Variants in BABAM2 observed in about 807,000 individuals in gnomAD.
The protein encoded by BABAM2 is BRISC and BRCA1-A complex member 2.
A neutral mutation model predicts 54.7 loss-of-function variants in BABAM2; 31 were observed. That is an observed-to-expected ratio of 0.57 (90% CI 0.43 to 0.77). The LOEUF is 0.77. BABAM2 is among the 30% of genes least tolerant of loss of function. BABAM2 has a pLI of 0.00. For missense variants in BABAM2, 364 were observed against 455.8 expected (o/e 0.80, Z 1.83); for synonymous variants, 167 against 162.9 (o/e 1.03, Z -0.19).
At chr2:28,128,436 T>C (rs1423701193) in intron 6 of BABAM2, among the ~76,000 whole-genome samples, 2 of 152,234 alleles carry the variant, frequency 1.3e-5, no homozygotes, top group Non-Finnish European at 2.9e-5. Context: ...AGACACTTGG[T>C]GCTTGGCAAT....
chr2:28,078,734 G>T (rs1032870830), intron 6 of BABAM2, among the ~76,000 whole-genome samples: 5 of 152,128 alleles, frequency 3.3e-5, no homozygotes, highest in Non-Finnish European at 7.4e-5. Context: ...GTGTTGATTT[G>T]GAATTGCCTT....
At chr2:28,294,950 A>T (rs935459881) in intron 10 of BABAM2, among the ~76,000 whole-genome samples, 3 of 152,208 alleles carry the variant, frequency 2.0e-5, no homozygotes, top group Non-Finnish European at 4.4e-5. Context: ...ACAAATCTCC[A>T]TGGAGAAATA....
At position 28,328,556 on chromosome 2, in the gene BABAM2, A is replaced by G. The variant is rs192911448; in HGVS notation, c.1089-9894A>G. The stretch of plus-strand genomic sequence containing the variant: ...ATGAGGCTCATCTTACAATTACCCA[A>G]AGAAAAGCATGTTTGAATTCCAGAA... On this transcript the variant is annotated intron_variant, in intron 11 of 11. Coordinates refer to ENST00000379624, the MANE Select transcript of BABAM2 (RefSeq NM_199191.3). Among the ~76,000 whole-genome samples the G allele has an allele frequency of 3.7e-3, 570 of 152,276 alleles. 5 individuals carry two copies. The highest frequency in any genetic ancestry group is 0.013 in the African/African-American group (540 of 41,548).
intron 6 of BABAM2, among the ~76,000 whole-genome samples, chr2:28,104,965 C>T (rs182179333): frequency 0.044 from 6,563 of 150,706 alleles, 448 homozygotes; most frequent in African/African-American, 0.15. Flanking sequence ...TGCATGTTCT[C>T]ACTCATAGGT....
At chr2:27,951,844 C>T (rs1431495326) in intron 3 of BABAM2, among the ~76,000 whole-genome samples, 1 of 152,122 alleles carries the variant, frequency 6.6e-6, no homozygotes, top group African/African-American at 2.4e-5. Context: ...AGTCTTTTAT[C>T]CCTCGCCCTA....
intron 4 of BABAM2, among the ~76,000 whole-genome samples, chr2:27,992,554 A>G (rs1672854611): frequency 2.0e-5 from 3 of 152,238 alleles, no homozygotes; most frequent in African/African-American, 7.2e-5. Context: ...GGGTAGTTAA[A>G]TACTGTTTTT....
chr2:27,987,747 C>T (rs950277998), intron 3 of BABAM2, among the ~76,000 whole-genome samples: 9 of 147,176 alleles, frequency 6.1e-5, no homozygotes, highest in East Asian at 4.0e-4. Context: ...CCTGGGAGGT[C>T]GAGGCTGCAG....
chr2:27,889,774 C>T (rs534415538), upstream of BABAM2, among the ~76,000 whole-genome samples: 3 of 152,238 alleles, frequency 2.0e-5, no homozygotes, highest in East Asian at 3.9e-4. Context: ...TTCTGCTCAA[C>T]TCATTATTTT....
intron 6 of BABAM2, among the ~76,000 whole-genome samples, chr2:28,114,242 G>C (rs1668395223): frequency 6.6e-6 from 1 of 152,196 alleles, no homozygotes; most frequent in African/African-American, 2.4e-5. Context: ...ACCTCTGTTT[G>C]CAGATGACAT....
At chr2:27,985,058 TGTG>T (rs999915073) in intron 3 of BABAM2, among the ~76,000 whole-genome samples, 5 of 2,440 alleles carry the variant, frequency 2.0e-3, no homozygotes, top group Non-Finnish European at 5.4e-3. Flanking sequence ...TATTCCATGA[TGTG>T]TGTGTGTGTG....
chr2:27,946,327 G>A (rs758793848), intron 3 of BABAM2, among the ~76,000 whole-genome samples: 8 of 152,112 alleles, frequency 5.3e-5, no homozygotes, highest in Non-Finnish European at 8.8e-5. Context: ...TTGAACCACT[G>A]TTGCATTCTG....
At chr2:28,320,988 T>G (rs1266853404) in intron 11 of BABAM2, among the ~76,000 whole-genome samples, 2 of 152,268 alleles carry the variant, frequency 1.3e-5, no homozygotes, top group Non-Finnish European at 2.9e-5. Context: ...GTTAATTCAC[T>G]TATTCAACAA....
At chr2:27,977,900 T>G (rs1409490091) in intron 3 of BABAM2, among the ~76,000 whole-genome samples, 2 of 152,180 alleles carry the variant, frequency 1.3e-5, no homozygotes, top group Non-Finnish European at 2.9e-5. Context: ...ATATTACAGA[T>G]AAATTAAACT....
intron 7 of BABAM2, among the ~76,000 whole-genome samples, chr2:28,184,189 A>G (rs1054255023): frequency 1.4e-5 from 2 of 147,000 alleles, no homozygotes; most frequent in African/African-American, 2.5e-5. Flanking sequence ...ACTGCCTCCT[A>G]TTGTTCAATT....
chr2:28,252,753 C>G (rs1683614951), intron 10 of BABAM2, among the ~76,000 whole-genome samples: 1 of 151,948 alleles, frequency 6.6e-6, no homozygotes, highest in Non-Finnish European at 1.5e-5. Context: ...ATGAATTTTT[C>G]CCCTGTACCC....
intron 4 of BABAM2, chr2:28,016,520 A>C: frequency 1.2e-6 from 1 of 829,112 alleles, no homozygotes; most frequent in Non-Finnish European, 2.0e-6. Flanking sequence ...GCCGAGGGAA[A>C]CTGGGCCGGA....
chr2:28,186,211 T>C (rs934932573), intron 7 of BABAM2, among the ~76,000 whole-genome samples: 14 of 152,364 alleles, frequency 9.2e-5, no homozygotes, highest in African/African-American at 2.6e-4. Flanking sequence ...GTATTTATTT[T>C]ATTCTAGTTA....
chr2:28,013,753 C>T (rs1461165214), intron 4 of BABAM2, among the ~76,000 whole-genome samples: 2 of 144,344 alleles, frequency 1.4e-5, no homozygotes, highest in Non-Finnish European at 3.0e-5. Context: ...ACACGTGGCT[C>T]ACAGTGAAGT....
intron 10 of BABAM2, among the ~76,000 whole-genome samples, chr2:28,252,031 T>C (rs2148106661): frequency 6.6e-6 from 1 of 152,046 alleles, no homozygotes; most frequent in Non-Finnish European, 1.5e-5. Flanking sequence ...CTACTAAAAA[T>C]ACAAAAATTA....
Sources: gnomAD v4.1 joint callset for allele counts (sites outside exome capture counted in the v4.1 genomes callset) on GRCh38, gnomAD v4.1.1 for gene constraint, MANE v1.5 for transcripts, NCBI Gene and HGNC (gene_info 2026-07-23, HGNC 2026-07-21) for gene names.